The following EVC2 variants were observed in gnomAD, a reference collection of about 807,000 sequenced individuals.
The protein encoded by EVC2 is EvC ciliary complex subunit 2.
EVC2 carries 148 observed loss-of-function variants against 149.3 expected under a neutral mutation model. The observed-to-expected ratio is 0.99, with a 90% CI of 0.87 to 1.14. The LOEUF (loss-of-function observed/expected upper bound fraction) is 1.14, where lower values mean the gene tolerates loss of function less well. EVC2 is among the 50% of genes most tolerant of loss of function. The pLI is 0.00. For missense variants in EVC2, 1,854 were observed against 1,627.3 expected (o/e 1.14, Z -2.40); for synonymous variants, 776 against 649.9 (o/e 1.19, Z -2.95).
intron 6 of EVC2, among the ~76,000 whole-genome samples, chr4:5,682,502 A>AG (rs1491457675): frequency 7.0e-6 from 1 of 143,296 alleles, no homozygotes; most frequent in African/African-American, 2.6e-5. Flanking sequence ...AAAAAAAAAA[A>AG]TAATAATAAT....
At chr4:5,685,586 G>C (rs970460820) in intron 5 of EVC2, 107 bp from the exon 6 acceptor site, 219 of 881,892 alleles carry the variant, frequency 2.5e-4, no homozygotes, top group Non-Finnish European at 2.4e-4. Context: ...GTGGTTCCAA[G>C]GGAGGCCACC....
At chr4:5,533,163 G>A in the EVC2 span, among the ~76,000 whole-genome samples, 1 of 152,036 alleles carries the variant, frequency 6.6e-6, no homozygotes, top group Non-Finnish European at 1.5e-5. Flanking sequence ...TGAGTGCTAA[G>A]GGGAGAAATC....
chr4:5,568,360 T>A, intron 20 of EVC2, 84 bp downstream of exon 20: 1 of 1,336,660 alleles, frequency 7.5e-7, no homozygotes. Context: ...ACAAAATACA[T>A]GGGCCTCCCA....
downstream of EVC2, among the ~76,000 whole-genome samples, chr4:5,559,275 G>A (rs1217080184): frequency 6.6e-6 from 1 of 152,136 alleles, no homozygotes; most frequent in Non-Finnish European, 1.5e-5. This position sits in a 1 kb window ranked among gnomAD's most constrained non-coding sequence, Gnocchi z 5.0. Context: ...ATTCATGTTG[G>A]AGACATCAGT....
At chr4:5,574,656 G>A (rs374505110) in intron 19 of EVC2, 29 bp downstream of exon 19, 1 of 1,603,958 alleles carries the variant, frequency 6.2e-7, no homozygotes, top group Non-Finnish European at 8.5e-7. Flanking sequence ...GGCAAGGGGT[G>A]GCCTCAGACC....
chr4:5,535,191 T>TCAGCTCCCAGTGC, the EVC2 span, among the ~76,000 whole-genome samples: 1 of 152,086 alleles, frequency 6.6e-6, no homozygotes, highest in African/African-American at 2.4e-5. The surrounding 1 kb of genome is among the most constrained non-coding windows in gnomAD (Gnocchi z 4.7). Flanking sequence ...CACAGACATC[T>TCAGCTCCCAGTGC]CAGCTCCCAG....
At chr4:5,674,846 A>G (rs1284479385) in intron 7 of EVC2, among the ~76,000 whole-genome samples, 4 of 152,180 alleles carry the variant, frequency 2.6e-5, no homozygotes, top group Non-Finnish European at 5.9e-5. Context: ...TAGGGAGTAA[A>G]ACTGGAGGCA....
In EVC2 at chr4:5,679,591, AT is replaced by A. The variant is rs1327165723; in HGVS notation, c.870+1668del. Among the ~76,000 whole-genome samples the A allele has an allele frequency of 6.6e-6, 1 of 152,040 alleles. No homozygotes were observed. Among genetic ancestry groups the A allele is most frequent in the African/African-American group, 2.4e-5 (1 of 41,404 alleles). The stretch of plus-strand genomic sequence containing the variant: ...TGCAGGTTTCTTCAGTAATAAGTTA[AT>A]CTTGGCTTACTGTAATTTTTTATTT... On this transcript the variant is annotated intron_variant, in intron 7 of 21. Transcript: ENST00000344408. The surrounding 1 kb of genome is among the most constrained non-coding windows in gnomAD (Gnocchi z 5.1).
chr4:5,635,374 C>G (rs564720479), intron 10 of EVC2, among the ~76,000 whole-genome samples: 2 of 152,258 alleles, frequency 1.3e-5, no homozygotes, highest in South Asian at 4.1e-4. Context: ...TCACCCCCAA[C>G]CCACTATTGA....
chr4:5,654,265 G>C (rs1314686503), intron 9 of EVC2, among the ~76,000 whole-genome samples: 1 of 151,102 alleles, frequency 6.6e-6, no homozygotes, highest in Admixed American at 6.6e-5. Context: ...GAGAAGAGGA[G>C]GCCTGGAGTG....
chr4:5,673,919 G>A (rs1055657778), intron 7 of EVC2, among the ~76,000 whole-genome samples: 3 of 152,196 alleles, frequency 2.0e-5, no homozygotes, highest in African/African-American at 7.2e-5. Flanking sequence ...TTCTGCACGT[G>A]GAGGGTGGTG....
chr4:5,560,587 C>G (rs895507917), downstream of EVC2, among the ~76,000 whole-genome samples: 1 of 152,068 alleles, frequency 6.6e-6, no homozygotes, highest in East Asian at 1.9e-4. This position sits in a 1 kb window ranked among gnomAD's most constrained non-coding sequence, Gnocchi z 4.1. Flanking sequence ...GCCCTTGACA[C>G]GTGGGGATTA....
At chr4:5,598,290 G>T (rs1277439628) in intron 16 of EVC2, among the ~76,000 whole-genome samples, 1 of 152,004 alleles carries the variant, frequency 6.6e-6, no homozygotes, top group Admixed American at 6.5e-5. Flanking sequence ...AACAAAGCTG[G>T]AGGCATCATG....
chr4:5,621,521 G>A (rs1329656512), intron 14 of EVC2, among the ~76,000 whole-genome samples: 1 of 152,160 alleles, frequency 6.6e-6, no homozygotes, highest in African/African-American at 2.4e-5. Flanking sequence ...CTAGGTTAGA[G>A]GCCCCTCCAG....
rs951389000 is a variant in EVC2 at position 5,640,992 on chromosome 4, T to C, written c.1146-154A>G. ...CCCCGCTCACTTCTGCTTCATCCAGTTATTGAAGGCCATTAGCTGACTCTT... is the reference window on the plus strand; with the variant it reads ...CCCCGCTCACTTCTGCTTCATCCAGCTATTGAAGGCCATTAGCTGACTCTT... On this transcript the variant is annotated intron_variant, in intron 9 of 21. Coordinates refer to ENST00000344408, the MANE Select transcript of EVC2 (RefSeq NM_147127.5). This position sits in a 1 kb window ranked among gnomAD's most constrained non-coding sequence, Gnocchi z 4.6. Among the ~76,000 whole-genome samples the C allele has an allele frequency of 1.3e-5, 2 of 152,196 alleles. No homozygotes were observed. The highest frequency in any genetic ancestry group is 1.5e-5 in the Non-Finnish European group (1 of 68,038).
chr4:5,672,604 TC>T (rs1719719708), intron 7 of EVC2, among the ~76,000 whole-genome samples: 1 of 152,080 alleles, frequency 6.6e-6, no homozygotes, highest in Non-Finnish European at 1.5e-5. Flanking sequence ...AGGCTGGGTC[TC>T]CCCAGCTCTG....
chr4:5,614,448 G>T lies in EVC2; in HGVS notation c.2829+974C>A, dbSNP rs184521456. Among the ~76,000 whole-genome samples, 1 of 152,262 alleles carries T rather than the reference G, an allele frequency of 6.6e-6. No homozygotes were observed. The highest frequency in any genetic ancestry group is 2.4e-5 in the African/African-American group (1 of 41,550). ...GTGGAACAAATTAACCATGTGATAG[G>T]TGCTATGGTAAGGAAGAGTTGGAAG... On this transcript the variant is annotated intron_variant, in intron 16 of 21. Coordinates refer to ENST00000344408, the MANE Select transcript of EVC2 (RefSeq NM_147127.5). This position sits in a 1 kb window ranked among gnomAD's most constrained non-coding sequence, Gnocchi z 4.7.
At chr4:5,662,894 A>G (rs1718993331) in intron 9 of EVC2, among the ~76,000 whole-genome samples, 1 of 151,798 alleles carries the variant, frequency 6.6e-6, no homozygotes, top group Admixed American at 6.6e-5. Context: ...AGTCTTTCCT[A>G]CTAGATCAGA....
At chr4:5,560,400 T>A (rs1577091143), downstream of EVC2, among the ~76,000 whole-genome samples, 1 of 152,126 alleles carries the variant, frequency 6.6e-6, no homozygotes, top group East Asian at 1.9e-4. This position sits in a 1 kb window ranked among gnomAD's most constrained non-coding sequence, Gnocchi z 4.1. Flanking sequence ...AAGCTTACGA[T>A]CATGGCAGAA....
Sources: allele counts gnomAD v4.1 joint callset (sites outside exome capture counted in the v4.1 genomes callset), GRCh38; gene constraint gnomAD v4.1.1; non-coding constraint Gnocchi (gnomAD v3.1); transcripts MANE v1.5; gene names NCBI Gene and HGNC (gene_info 2026-07-23, HGNC 2026-07-21).